The following RIMS1 variants were observed in gnomAD, a reference collection of about 807,000 sequenced individuals.
The protein encoded by RIMS1 is regulating synaptic membrane exocytosis protein 1.
Under a neutral mutation model 214.1 loss-of-function variants are expected in RIMS1, and 83 were observed. The ratio of observed to expected loss-of-function variants is 0.39; its 90% CI spans 0.32 to 0.47. The LOEUF (loss-of-function observed/expected upper bound fraction) is 0.47. Ranked by LOEUF, RIMS1 falls within the 20% of genes least tolerant of loss-of-function variation. The probability of loss-of-function intolerance (pLI) is 0.99; values close to 1 mark genes in which losing one functional copy is unlikely to be tolerated. For synonymous variants in RIMS1, 793 were observed against 786.8 expected (o/e 1.01, Z -0.13); for missense variants, 2,050 against 2,161.8 (o/e 0.95, Z 1.03).
rs116207821 is a variant in RIMS1 at position 72,132,529 on chromosome 6, T to A, written c.471+32543T>A. ...CTTAGTTGCATATGTGTATGTCATATATCCATATATTTTTATTTAGTTGTT... is the reference window on the plus strand; with the variant it reads ...CTTAGTTGCATATGTGTATGTCATAAATCCATATATTTTTATTTAGTTGTT... On this transcript the variant is annotated intron_variant, in intron 4 of 33. Transcript: ENST00000521978. Among the ~76,000 whole-genome samples the A allele has an allele frequency of 5.4e-3, 819 of 152,332 alleles. 11 individuals are homozygous for A. Among genetic ancestry groups the A allele is most frequent in the African/African-American group, 0.019 (794 of 41,582 alleles).
intron 29 of RIMS1, among the ~76,000 whole-genome samples, chr6:72,337,579 TATTTC>T (rs2096886110): frequency 6.6e-6 from 1 of 151,820 alleles, no homozygotes; most frequent in South Asian, 2.1e-4. Context: ...TTTTCTTTTT[TATTTC>T]ATTTTATTTA....
Position 71,985,481 on chromosome 6 carries a change from T to C in RIMS1, c.245+16418T>C, listed in dbSNP as rs930995120. Among the ~76,000 whole-genome samples the C allele has an allele frequency of 2.5e-4, 38 of 152,184 alleles. 1 individual carries two copies. Among genetic ancestry groups the C allele is most frequent in the African/African-American group, 9.2e-4 (38 of 41,436 alleles). ...CTAATTATTTTGATACATGTCACGG[T>C]CCATGCTCTTGAGTTATGTACGTCC... On this transcript the variant is annotated intron_variant, in intron 2 of 33. Transcript: ENST00000521978.
At chr6:72,067,674 A>G (rs1393102442) in intron 2 of RIMS1, among the ~76,000 whole-genome samples, 3 of 152,186 alleles carry the variant, frequency 2.0e-5, no homozygotes, top group Non-Finnish European at 4.4e-5. Context: ...ACTCAACATG[A>G]TATCCCCAGT....
At chr6:72,337,641 C>G (rs190949666) in intron 29 of RIMS1, among the ~76,000 whole-genome samples, 4 of 150,746 alleles carry the variant, frequency 2.7e-5, no homozygotes, top group African/African-American at 9.7e-5. Flanking sequence ...GCACAATGTG[C>G]AGGTTTGTTA....
intron 1 of RIMS1, among the ~76,000 whole-genome samples, chr6:71,915,904 AGT>A (rs1456270059): frequency 6.6e-6 from 1 of 152,026 alleles, no homozygotes; most frequent in Non-Finnish European, 1.5e-5. Context: ...CAGTCAAGAG[AGT>A]GTGTGCAGGG....
chr6:71,993,812 A>G lies in RIMS1; in HGVS notation c.245+24749A>G, dbSNP rs1476802137. 3.9e-5 allele frequency among the ~76,000 whole-genome samples: 6 copies of G among 152,132 alleles called. No homozygotes were observed. In the South Asian group the frequency reaches 6.2e-4, roughly 16 times the overall value. On this transcript the variant is annotated intron_variant, in intron 2 of 33. Coordinates refer to ENST00000521978, the MANE Select transcript of RIMS1 (RefSeq NM_014989.7). ...AGATTTCATATAGTGGTAGGGGGCTATTTCCTTATGATTTTAAAAACTGGA... is the reference window on the plus strand; with the variant it reads ...AGATTTCATATAGTGGTAGGGGGCTGTTTCCTTATGATTTTAAAAACTGGA...
intron 1 of RIMS1, among the ~76,000 whole-genome samples, chr6:71,936,434 A>C (rs1015701642): frequency 1.3e-5 from 2 of 151,582 alleles, no homozygotes; most frequent in African/African-American, 4.8e-5. Flanking sequence ...GCACCTGTGG[A>C]TTAGTTAACC....
At chr6:72,352,719 G>C (rs1280251171) in intron 29 of RIMS1, among the ~76,000 whole-genome samples, 2 of 152,086 alleles carry the variant, frequency 1.3e-5, no homozygotes, top group Non-Finnish European at 2.9e-5. Context: ...GGGAAATGGA[G>C]AACATATATC....
At chr6:72,031,583 GA>G (rs1818121121) in intron 2 of RIMS1, among the ~76,000 whole-genome samples, 1 of 151,976 alleles carries the variant, frequency 6.6e-6, no homozygotes, top group African/African-American at 2.4e-5. Flanking sequence ...AGTTGGATAG[GA>G]AAAAATTTCA....
intron 22 of RIMS1, among the ~76,000 whole-genome samples, chr6:72,269,654 C>T (rs183743402): frequency 7.9e-5 from 12 of 152,178 alleles, no homozygotes; most frequent in Middle Eastern, 3.4e-3. Context: ...CTTCCTGCTC[C>T]GTCACAAATT....
At position 71,954,825 on chromosome 6, in the gene RIMS1, A is replaced by G. The variant is rs9446513; in HGVS notation, c.165-14158A>G. 3.0e-3 allele frequency among the ~76,000 whole-genome samples: 448 copies of G among 151,488 alleles called. 2 individuals are homozygous for G. The highest frequency in any genetic ancestry group is 0.011 in the African/African-American group (435 of 41,224). On this transcript the variant is annotated intron_variant, in intron 1 of 33. Coordinates refer to ENST00000521978, the MANE Select transcript of RIMS1 (RefSeq NM_014989.7). ...ACCACAACTCAAACCAAGCTATAAA[A>G]CATCACAATACCACTCCTCAGCACA...
intron 4 of RIMS1, among the ~76,000 whole-genome samples, chr6:72,116,197 C>CT (rs1181920092): frequency 6.6e-6 from 1 of 151,922 alleles, no homozygotes; most frequent in Non-Finnish European, 1.5e-5. Flanking sequence ...TCTGCCTCAA[C>CT]TTTTATACAG....
In RIMS1 at chr6:72,118,341, T is replaced by A. The variant is rs2037506225; in HGVS notation, c.471+18355T>A. Among the ~76,000 whole-genome samples the A allele has an allele frequency of 2.0e-5, 3 of 151,286 alleles. No individual in the cohort carries two copies. In the South Asian group the frequency reaches 6.2e-4, roughly 31 times the overall value. On this transcript the variant is annotated intron_variant, in intron 4 of 33. Coordinates refer to ENST00000521978, the MANE Select transcript of RIMS1 (RefSeq NM_014989.7). The stretch of plus-strand genomic sequence containing the variant: ...TTTATTTTTCAGTAATTAAAAAAAA[T>A]TGCCAGTAAGTAAAAGTCCAGGGCC...
At chr6:72,274,638 G>T (rs2085242389) in intron 23 of RIMS1, among the ~76,000 whole-genome samples, 1 of 152,204 alleles carries the variant, frequency 6.6e-6, no homozygotes, top group Non-Finnish European at 1.5e-5. Flanking sequence ...TTTAAACCCA[G>T]TGAAGTCAGG....
chr6:72,349,052 AAGCT>A (rs2097360209), intron 29 of RIMS1, among the ~76,000 whole-genome samples: 1 of 151,980 alleles, frequency 6.6e-6, no homozygotes, highest in South Asian at 2.1e-4. Context: ...CTTTTCAAGT[AAGCT>A]AGTGAATTCT....
At chr6:71,990,562 C>T (rs1801288696) in intron 2 of RIMS1, among the ~76,000 whole-genome samples, 1 of 152,048 alleles carries the variant, frequency 6.6e-6, no homozygotes, top group Admixed American at 6.6e-5. Context: ...TCTGTGTGCC[C>T]TGCATGACCT....
intron 29 of RIMS1, among the ~76,000 whole-genome samples, chr6:72,384,732 C>T (rs1396330832): frequency 6.6e-6 from 1 of 152,188 alleles, no homozygotes; most frequent in Non-Finnish European, 1.5e-5. Flanking sequence ...TATATTCTAT[C>T]TCTCTATCTT....
chr6:72,288,794 A>G (rs1269834611), intron 24 of RIMS1, among the ~76,000 whole-genome samples: 4 of 151,930 alleles, frequency 2.6e-5, no homozygotes, highest in African/African-American at 9.7e-5. Flanking sequence ...GTGGCTTTCT[A>G]CGCTTCTCCT....
chr6:72,034,083 T>A (rs1467291989), intron 2 of RIMS1, among the ~76,000 whole-genome samples: 1 of 152,162 alleles, frequency 6.6e-6, no homozygotes, highest in Non-Finnish European at 1.5e-5. Flanking sequence ...TAAGTTCTAA[T>A]TATTTTGGTT....
Sources: gnomAD v4.1 joint callset for allele counts (sites outside exome capture counted in the v4.1 genomes callset) on GRCh38, gnomAD v4.1.1 for gene constraint, MANE v1.5 for transcripts, NCBI Gene and HGNC (gene_info 2026-07-23, HGNC 2026-07-21) for gene names.